Variants in PCDHGA2 observed in about 807,000 individuals in gnomAD.
PCDHGA2 encodes the protein protocadherin gamma-A2.
Under a neutral mutation model 59.2 loss-of-function variants are expected in PCDHGA2, and 40 were observed. That is an observed-to-expected ratio of 0.68 (90% CI 0.52 to 0.88). PCDHGA2 has a LOEUF of 0.88. Among genes scored for constraint, PCDHGA2 ranks in the 40% least tolerant of loss-of-function variants. PCDHGA2 has a pLI of 0.00. For missense variants in PCDHGA2, 1,226 were observed against 1,204.0 expected (o/e 1.02, Z -0.27); for synonymous variants, 560 against 526.0 (o/e 1.06, Z -0.89).
At chr5:141,508,123 G>A (rs989767852) in intron 3 of PCDHGA2, 1 of 152,616 alleles carries the variant, frequency 6.6e-6, no homozygotes, top group Non-Finnish European at 1.5e-5. Context: ...GAGGACAGAG[G>A]GAGGTCAGGG....
At chr5:141,398,343 G>A (rs1393305647) in intron 1 of PCDHGA2, 6 of 1,380,544 alleles carry the variant, frequency 4.3e-6, no homozygotes, top group Non-Finnish European at 6.0e-6. Context: ...GTTCGGAGAA[G>A]CCTTACTTCA....
intron 1 of PCDHGA2, chr5:141,383,026 T>A (rs767610901): frequency 6.2e-7 from 1 of 1,613,590 alleles, no homozygotes; most frequent in Non-Finnish European, 8.5e-7. Context: ...GGACAAAGGG[T>A]CCTTTGTGGG....
intron 1 of PCDHGA2, among the ~76,000 whole-genome samples, chr5:141,368,620 T>A (rs1220390721): frequency 1.3e-5 from 2 of 152,198 alleles, no homozygotes; most frequent in Non-Finnish European, 2.9e-5. Context: ...TTTGGGTACA[T>A]TTCTTCTGAG....
intron 1 of PCDHGA2, chr5:141,383,980 C>T: frequency 6.2e-7 from 1 of 1,613,696 alleles, no homozygotes; most frequent in Admixed American, 1.7e-5. Context: ...TGAAGACACA[C>T]CTCTTGGGAC....
At chr5:141,426,010 C>T (rs2096909211) in intron 1 of PCDHGA2, among the ~76,000 whole-genome samples, 1 of 152,178 alleles carries the variant, frequency 6.6e-6, no homozygotes, top group Non-Finnish European at 1.5e-5. Flanking sequence ...CTTCCGGCTG[C>T]AGTTTTCTAA....
rs375619778 is a variant in PCDHGA2, at chr5:141,399,361, C to G, written c.2424+57966C>G. 11 of 1,613,960 alleles carry G rather than the reference C, an allele frequency of 6.8e-6. No homozygotes were observed. The Admixed American group carries it at 1.8e-4, about 27-fold the overall frequency. On this transcript the variant is annotated intron_variant, in intron 1 of 3. Transcript: ENST00000394576. ...TGGAACCCTAGACCGAGAGCAAACC[C>G]CGGAGTACAATGTCACCATCACAGC...
intron 1 of PCDHGA2, chr5:141,419,239 C>T (rs374093302): frequency 3.7e-6 from 6 of 1,614,008 alleles, no homozygotes; most frequent in East Asian, 2.2e-5. Context: ...ACCTGGTCCA[C>T]GTGCCAGAAA....
At chr5:141,345,603 C>T (rs1232635976) in intron 1 of PCDHGA2, 2 of 1,614,182 alleles carry the variant, frequency 1.2e-6, no homozygotes, top group East Asian at 2.2e-5. Context: ...CGACTACGAG[C>T]AATTTAGAGA....
intron 1 of PCDHGA2, chr5:141,383,042 T>C (rs1397489820): frequency 6.2e-7 from 1 of 1,613,842 alleles, no homozygotes; most frequent in Non-Finnish European, 8.5e-7. Flanking sequence ...GTGGGAGACA[T>C]CGCCAAGGAC....
In PCDHGA2 at chr5:141,418,596, T is replaced by C; in HGVS notation, c.2425-76211T>C. On this transcript the variant is annotated intron_variant, in intron 1 of 3. Coordinates refer to ENST00000394576, the MANE Select transcript of PCDHGA2 (RefSeq NM_018915.4). Reference sequence around the variant, plus strand: ...AACCCCCCAGTGTTCAGCCAGGACGTGTACAGGGTTAGCCTTCGGGAAGAC... The same window carrying C: ...AACCCCCCAGTGTTCAGCCAGGACGCGTACAGGGTTAGCCTTCGGGAAGAC... 8.7e-6 allele frequency: 14 copies of C among 1,614,046 alleles called. No individual in the cohort carries two copies. The highest frequency in any genetic ancestry group is 1.1e-5 in the Non-Finnish European group (13 of 1,179,906).
chr5:141,447,433 C>G (rs756021616), intron 1 of PCDHGA2, among the ~76,000 whole-genome samples: 1 of 152,118 alleles, frequency 6.6e-6, no homozygotes. Context: ...CCACCGCACC[C>G]GGAGGAAATT....
intron 1 of PCDHGA2, chr5:141,415,000 T>G: frequency 6.2e-7 from 1 of 1,613,660 alleles, no homozygotes; most frequent in Non-Finnish European, 8.5e-7. Context: ...CGCCTGGCTG[T>G]CCTACCGTCT....
chr5:141,375,065 C>T (rs1366674805), intron 1 of PCDHGA2: 36 of 1,613,814 alleles, frequency 2.2e-5, no homozygotes, highest in Middle Eastern at 1.6e-4. Context: ...GCCAGGTCTT[C>T]GAGACAGAGC....
In PCDHGA2 at chr5:141,355,573, G is replaced by T. The variant is rs781268450; in HGVS notation, c.2424+14178G>T. On this transcript the variant is annotated intron_variant, in intron 1 of 3. Coordinates refer to ENST00000394576, the MANE Select transcript of PCDHGA2 (RefSeq NM_018915.4). ...TTTGCGGGTAGAGGTGGAAATAATC[G>T]ATGTTAATGATAACCCACCCAGTTT... 3.1e-6 allele frequency: 5 copies of T among 1,613,858 alleles called. No individual in the cohort carries two copies. In the African/African-American group the frequency reaches 4.0e-5, roughly 13 times the overall value.
chr5:141,374,242 A>G (rs1181789478), intron 1 of PCDHGA2: 2 of 1,613,868 alleles, frequency 1.2e-6, no homozygotes, highest in Admixed American at 3.3e-5. Context: ...AGGATCTGGG[A>G]CTGGAGCCCC....
intron 1 of PCDHGA2, among the ~76,000 whole-genome samples, chr5:141,450,013 T>A (rs1178482524): frequency 7.4e-6 from 1 of 135,940 alleles, no homozygotes; most frequent in African/African-American, 3.2e-5. Flanking sequence ...TCTCTTTTTT[T>A]TTTTTTTTTT....
chr5:141,450,991 AT>A (rs1351194705), intron 1 of PCDHGA2, among the ~76,000 whole-genome samples: 2 of 150,700 alleles, frequency 1.3e-5, no homozygotes, highest in Non-Finnish European at 1.5e-5. Context: ...CACCCGGCTA[AT>A]TTTTTTGTAT....
Position 141,487,356 on chromosome 5 carries a change from C to A in PCDHGA2, c.2425-7451C>A. On this transcript the variant is annotated intron_variant, in intron 1 of 3. Coordinates refer to ENST00000394576, the MANE Select transcript of PCDHGA2 (RefSeq NM_018915.4). The surrounding 1 kb of genome is among the most constrained non-coding windows in gnomAD (Gnocchi z 5.0). ...GCCTGTGGAGTCACATGCTTTCCTG[C>A]TGGCACCTGTGCCTGTCTCACCAGA... 1 of 1,614,220 alleles carries A rather than the reference C, an allele frequency of 6.2e-7. No individual in the cohort carries two copies. The highest frequency in any genetic ancestry group is 8.5e-7 in the Non-Finnish European group (1 of 1,180,042).
chr5:141,355,207 G>A lies in PCDHGA2; in HGVS notation c.2424+13812G>A, dbSNP rs764438862. ...ACTCCGCGGCGGGGTTGTAATGGCG[G>A]CGCCTCCTGCTCGCCCAGACCACAC... On this transcript the variant is annotated intron_variant, in intron 1 of 3. Transcript: ENST00000394576. The A allele has an allele frequency of 3.4e-5, 55 of 1,598,704 alleles. No individual in the cohort carries two copies. The highest frequency in any genetic ancestry group is 1.7e-5 in the Non-Finnish European group (20 of 1,171,260).
Sources: gnomAD v4.1 joint callset for allele counts (sites outside exome capture counted in the v4.1 genomes callset) on GRCh38, gnomAD v4.1.1 for gene constraint, Gnocchi (gnomAD v3.1) non-coding constraint, MANE v1.5 for transcripts, NCBI Gene and HGNC (gene_info 2026-07-23, HGNC 2026-07-21) for gene names.